EPHA5: variants seen among roughly 807,000 people sequenced by gnomAD.
EPHA5 encodes the protein ephrin type-A receptor 5.
In EPHA5, 60 loss-of-function variants were observed where a neutral mutation model predicts 105.0. The ratio of observed to expected loss-of-function variants is 0.57; its 90% CI spans 0.46 to 0.71. The LOEUF is 0.71. EPHA5 is among the 30% of genes least tolerant of loss of function. The pLI is 0.00. For missense variants in EPHA5, 1,218 were observed against 1,274.7 expected (o/e 0.96, Z 0.68); for synonymous variants, 513 against 449.1 (o/e 1.14, Z -1.80).
chr4:65,669,405 C>T (rs1020197949), intron 1 of EPHA5, 157 bp downstream of exon 1: 3 of 985,188 alleles, frequency 3.0e-6, no homozygotes, highest in East Asian at 2.3e-4. Context: ...CAGAGGGGAG[C>T]GAAAAGGCCA....
chr4:65,458,735 T>C (rs1727850179), intron 5 of EPHA5, among the ~76,000 whole-genome samples: 1 of 152,116 alleles, frequency 6.6e-6, no homozygotes, highest in Non-Finnish European at 1.5e-5. Flanking sequence ...TAATAGTAGG[T>C]ATTCAAAATT....
intron 8 of EPHA5, among the ~76,000 whole-genome samples, chr4:65,382,438 C>T (rs113277106): frequency 4.0e-5 from 6 of 151,406 alleles, no homozygotes; most frequent in African/African-American, 4.8e-5. Flanking sequence ...TGTTATTAAA[C>T]GTGTTAGATA....
chr4:65,637,599 C>G (rs868726802), intron 2 of EPHA5, among the ~76,000 whole-genome samples: 1 of 47,920 alleles, frequency 2.1e-5, no homozygotes, highest in Non-Finnish European at 5.3e-5. Flanking sequence ...TATATATATA[C>G]GTATATGCTA....
At chr4:65,576,389 C>A (rs1233731104) in intron 3 of EPHA5, among the ~76,000 whole-genome samples, 1 of 152,168 alleles carries the variant, frequency 6.6e-6, no homozygotes, top group Non-Finnish European at 1.5e-5. Flanking sequence ...AGCCTTTTTA[C>A]AGTCATTTTT....
At chr4:65,409,310 T>C (rs1010045168) in intron 7 of EPHA5, among the ~76,000 whole-genome samples, 8 of 114,172 alleles carry the variant, frequency 7.0e-5, no homozygotes, top group African/African-American at 2.5e-4. Context: ...CTGCACATTG[T>C]GCACATGTAC....
At chr4:65,556,569 G>A (rs893224100) in intron 3 of EPHA5, among the ~76,000 whole-genome samples, 7 of 152,022 alleles carry the variant, frequency 4.6e-5, no homozygotes, top group Non-Finnish European at 1.0e-4. Flanking sequence ...TTCTCCAATG[G>A]GATCAGGTTC....
chr4:65,536,387 G>A (rs1296444445), intron 3 of EPHA5, among the ~76,000 whole-genome samples: 1 of 151,920 alleles, frequency 6.6e-6, no homozygotes, highest in Non-Finnish European at 1.5e-5. Context: ...TTATAGGAAA[G>A]CAAATTCTTA....
intron 3 of EPHA5, among the ~76,000 whole-genome samples, chr4:65,518,144 A>G (rs779289289): frequency 3.2e-4 from 49 of 151,982 alleles, no homozygotes; most frequent in Non-Finnish European, 6.6e-4. Context: ...AAAAGCTGTG[A>G]CATTTCAAAC....
chr4:65,564,340 T>G (rs979341582), intron 3 of EPHA5, among the ~76,000 whole-genome samples: 1 of 151,876 alleles, frequency 6.6e-6, no homozygotes, highest in Non-Finnish European at 1.5e-5. Flanking sequence ...CTATTAAAGT[T>G]TAGGTAATTA....
At chr4:65,371,277 G>A (rs78488956) in intron 8 of EPHA5, among the ~76,000 whole-genome samples, 6 of 151,808 alleles carry the variant, frequency 4.0e-5, no homozygotes, top group East Asian at 3.9e-4. Context: ...AATAGAGATG[G>A]GCAGGAGAAA....
At chr4:65,659,828 C>T (rs533141142) in intron 1 of EPHA5, among the ~76,000 whole-genome samples, 1 of 152,166 alleles carries the variant, frequency 6.6e-6, no homozygotes, top group East Asian at 1.9e-4. Context: ...TATAAAATTA[C>T]ATTAATACCT....
chr4:65,601,950 C>G lies in EPHA5; in HGVS notation c.601G>C (p.Asp201His). The change falls in exon 3 of 17, where the codon GAT (aspartate) becomes CAT (histidine). Residue 201 changes from aspartate to histidine, a missense_variant. Asp to His is a moderately conservative substitution (Grantham distance 81). Transcript: ENST00000613740. The stretch of plus-strand genomic sequence containing the variant: ...CCCTTTTTGCTTAGAGGTCCTACAT[C>G]TCTGACCTCTGTATTCAGTTTCATA... ...RVMKLNTEVR[D>H]VGPLSKKGFY... is the part of the protein sequence containing the mutation. The G allele has an allele frequency of 1.9e-6, 3 of 1,614,128 alleles. No homozygotes were observed. In the South Asian group the frequency reaches 3.3e-5, roughly 18 times the overall value.
At chr4:65,363,964 A>G (rs1407601787) in intron 11 of EPHA5, among the ~76,000 whole-genome samples, 1 of 151,550 alleles carries the variant, frequency 6.6e-6, no homozygotes, top group Non-Finnish European at 1.5e-5. Flanking sequence ...CATTAAAAAA[A>G]TGCTGTTTCC....
In EPHA5 at chr4:65,550,874, A is replaced by G. The variant is rs1041711789; in HGVS notation, c.910+50767T>C. On this transcript the variant is annotated intron_variant, in intron 3 of 16. Coordinates refer to ENST00000613740, the MANE Select transcript of EPHA5 (RefSeq NM_001281766.3). ...AAACAAAAACAAAAAACAACTACTA[A>G]AAACTCCTGAGTACAAACTTGATGA... Among the ~76,000 whole-genome samples, 11 of 152,058 alleles carry G rather than the reference A, an allele frequency of 7.2e-5. No individual in the cohort carries two copies. In the East Asian group the frequency reaches 1.6e-3, roughly 21 times the overall value.
intron 5 of EPHA5, among the ~76,000 whole-genome samples, chr4:65,426,285 G>T (rs1010998276): frequency 6.6e-6 from 1 of 152,046 alleles, no homozygotes; most frequent in Admixed American, 6.6e-5. Flanking sequence ...CTCTAAATTT[G>T]TCCTGCCTCA....
chr4:65,611,541 AAG>A (rs963869749), intron 2 of EPHA5, among the ~76,000 whole-genome samples: 3 of 150,004 alleles, frequency 2.0e-5, no homozygotes, highest in African/African-American at 7.4e-5. Flanking sequence ...AAAAAAAAAA[AAG>A]GTTTCAGTAA....
At chr4:65,325,934 T>A (rs73214241) in intron 16 of EPHA5, among the ~76,000 whole-genome samples, 24,957 of 150,532 alleles carry the variant, frequency 0.17, 2,255 homozygotes, top group East Asian at 0.33. Context: ...CCTTCATTTT[T>A]ACAAGATAAA....
intron 5 of EPHA5, among the ~76,000 whole-genome samples, chr4:65,464,562 T>C (rs1163727228): frequency 6.6e-6 from 1 of 152,126 alleles, no homozygotes; most frequent in Admixed American, 6.5e-5. Context: ...TAATTACTGG[T>C]AAGATTGAAT....
chr4:65,422,127 C>T (rs1229570061), intron 5 of EPHA5, among the ~76,000 whole-genome samples: 1 of 152,056 alleles, frequency 6.6e-6, no homozygotes, highest in Non-Finnish European at 1.5e-5. Flanking sequence ...GTTTTCCAAA[C>T]TCAGTTCAGT....
Sources: allele counts gnomAD v4.1 joint callset (sites outside exome capture counted in the v4.1 genomes callset), GRCh38; gene constraint gnomAD v4.1.1; transcripts MANE v1.5; gene names NCBI Gene and HGNC (gene_info 2026-07-23, HGNC 2026-07-21).